Variants in DMD observed in about 807,000 individuals in gnomAD.
DMD encodes the protein mutant dystrophin.
Under a neutral mutation model 330.1 loss-of-function variants are expected in DMD, and 63 were observed. The observed-to-expected ratio is 0.19, with a 90% confidence interval of 0.16 to 0.24. The LOEUF is 0.24. Among genes scored for constraint, DMD ranks in the 10% least tolerant of loss-of-function variants. DMD has a pLI of 1.00. For missense variants in DMD, 3,344 were observed against 2,684.1 expected (o/e 1.25, Z -5.43); for synonymous variants, 1,223 against 959.8 (o/e 1.27, Z -5.07).
chrX:31,257,816 G>A (rs947520300), intron 63 of DMD, among the ~76,000 whole-genome samples: 1 of 111,992 alleles, frequency 8.9e-6, no homozygotes, highest in South Asian at 3.7e-4. Flanking sequence ...ATGGTGGCGG[G>A]TGCCTAGTAA....
At chrX:31,743,143 G>A (rs988933708) in intron 51 of DMD, among the ~76,000 whole-genome samples, 1 of 111,618 alleles carries the variant, frequency 9.0e-6, no homozygotes, top group Non-Finnish European at 1.9e-5. Context: ...AAACCACAAC[G>A]AGATACCGTC....
intron 25 of DMD, among the ~76,000 whole-genome samples, chrX:32,459,586 G>A (rs771341812): frequency 8.1e-5 from 9 of 111,220 alleles, no homozygotes; most frequent in Non-Finnish European, 9.5e-5. Flanking sequence ...AGATGGAACC[G>A]CTAGTCACTC....
chrX:31,225,483 A>T (rs1295299248), intron 63 of DMD, among the ~76,000 whole-genome samples: 1 of 112,518 alleles, frequency 8.9e-6, no homozygotes, highest in Non-Finnish European at 1.9e-5. Context: ...AGAAGAATCC[A>T]GTAGGTTCTC....
intron 59 of DMD, among the ~76,000 whole-genome samples, chrX:31,448,652 G>GT (rs1194967672): frequency 1.8e-5 from 2 of 111,789 alleles, no homozygotes; most frequent in Non-Finnish European, 3.8e-5. Flanking sequence ...ATTGCATTAG[G>GT]TTTTTTTTCT....
chrX:33,148,329 C>T (rs1234411344), intron 1 of DMD, among the ~76,000 whole-genome samples: 2 of 112,263 alleles, frequency 1.8e-5, no homozygotes, highest in South Asian at 3.7e-4. Context: ...AGTGAGAAGA[C>T]GGTTGATATT....
intron 44 of DMD, among the ~76,000 whole-genome samples, chrX:32,033,693 A>G (rs28417157): frequency 9.1e-6 from 1 of 109,325 alleles, no homozygotes; most frequent in Non-Finnish European, 1.9e-5. Context: ...AAGAAAGAGA[A>G]AGAAAGAAAG....
At chrX:32,951,405 G>C (rs1231614702) in intron 2 of DMD, among the ~76,000 whole-genome samples, 1 of 112,028 alleles carries the variant, frequency 8.9e-6, no homozygotes, top group African/African-American at 3.2e-5. Context: ...AAGTGTGCTG[G>C]AATGTCCCTC....
At chrX:32,530,228 C>T (rs1412095393) in intron 17 of DMD, among the ~76,000 whole-genome samples, 1 of 112,132 alleles carries the variant, frequency 8.9e-6, no homozygotes, top group East Asian at 2.8e-4. Context: ...TTTTAAAATA[C>T]ATGCCCTTGC....
At chrX:33,120,187 T>C (rs1287320610) in intron 1 of DMD, among the ~76,000 whole-genome samples, 1 of 111,949 alleles carries the variant, frequency 8.9e-6, no homozygotes, top group East Asian at 2.8e-4. Context: ...AGGTACACAG[T>C]TTATCTGGCA....
At chrX:32,057,002 G>T (rs1396700778) in intron 44 of DMD, among the ~76,000 whole-genome samples, 1 of 111,232 alleles carries the variant, frequency 9.0e-6, no homozygotes, top group Admixed American at 9.6e-5. Context: ...AACATTAACA[G>T]AACAAAGGCT....
At chrX:32,602,554 C>T (rs761530477) in intron 12 of DMD, among the ~76,000 whole-genome samples, 1 of 111,363 alleles carries the variant, frequency 9.0e-6, no homozygotes, top group African/African-American at 3.3e-5. Flanking sequence ...CCTGCTCAGA[C>T]GGTATTGCCA....
intron 43 of DMD, among the ~76,000 whole-genome samples, chrX:32,224,831 T>C (rs1178976012): frequency 8.9e-6 from 1 of 111,943 alleles, no homozygotes. Flanking sequence ...TTATAATACT[T>C]GAGCTTAGGA....
chrX:31,123,214 G>A (rs753149271), intron 78 of DMD, among the ~76,000 whole-genome samples: 2 of 110,967 alleles, frequency 1.8e-5, no homozygotes, highest in East Asian at 5.6e-4. Context: ...CAGATCAACT[G>A]AAGACTTACT....
At chrX:32,921,050 T>C (rs2088347296) in intron 2 of DMD, among the ~76,000 whole-genome samples, 1 of 112,261 alleles carries the variant, frequency 8.9e-6, no homozygotes, top group Non-Finnish European at 1.9e-5. Context: ...AGGCCTTCAT[T>C]ACTGTTTGGA....
intron 63 of DMD, among the ~76,000 whole-genome samples, chrX:31,236,836 G>A (rs1361338668): frequency 1.8e-5 from 2 of 111,706 alleles, no homozygotes; most frequent in Admixed American, 9.5e-5. Context: ...TAAGATAAAT[G>A]TTATTTAAAA....
intron 7 of DMD, among the ~76,000 whole-genome samples, chrX:32,809,222 T>C (rs1332979981): frequency 8.9e-6 from 1 of 112,137 alleles, no homozygotes; most frequent in Admixed American, 9.5e-5. Context: ...GCACTCCAAA[T>C]GCAGTATGCT....
intron 17 of DMD, among the ~76,000 whole-genome samples, chrX:32,524,083 C>A (rs1387656213): frequency 9.2e-6 from 1 of 109,202 alleles, no homozygotes; most frequent in Admixed American, 9.8e-5. Context: ...CAGGCGCCCG[C>A]CACCACGCCC....
At chrX:32,062,613 GT>G (rs1435974778) in intron 44 of DMD, among the ~76,000 whole-genome samples, 2 of 111,228 alleles carry the variant, frequency 1.8e-5, no homozygotes, top group Non-Finnish European at 3.8e-5. Flanking sequence ...TAATGAGCAT[GT>G]GTTACTTTTG....
At chrX:32,914,683 A>G (rs1276145056) in intron 2 of DMD, among the ~76,000 whole-genome samples, 1 of 112,643 alleles carries the variant, frequency 8.9e-6, no homozygotes, top group African/African-American at 3.2e-5. Context: ...AGGAAAATGG[A>G]CAGTTAACCT....
Sources: gnomAD v4.1 joint callset for allele counts (sites outside exome capture counted in the v4.1 genomes callset) on GRCh38, gnomAD v4.1.1 for gene constraint, MANE v1.5 for transcripts, NCBI Gene and HGNC (gene_info 2026-07-23, HGNC 2026-07-21) for gene names.